Variants in CMTM4 observed in about 807,000 individuals in gnomAD.
The protein encoded by CMTM4 is CKLF like MARVEL transmembrane domain containing 4.
CMTM4 carries 8 observed loss-of-function variants against 19.0 expected under a neutral mutation model. The observed-to-expected ratio is 0.42, with a 90% CI of 0.25 to 0.76. The LOEUF (loss-of-function observed/expected upper bound fraction) is 0.76, where lower values mean the gene tolerates loss of function less well. Ranked by LOEUF, CMTM4 falls within the 30% of genes least tolerant of loss-of-function variation. The pLI is 0.27. For missense variants in CMTM4, 228 were observed against 290.2 expected, an observed-to-expected ratio of 0.79 and a Z score of 1.56; for synonymous variants, 106 against 121.1, an observed-to-expected ratio of 0.88 and a Z score of 0.82.
At chr16:66,652,387 T>G (rs2144842987) in intron 1 of CMTM4, among the ~76,000 whole-genome samples, 1 of 152,322 alleles carries the variant, frequency 6.6e-6, no homozygotes, top group East Asian at 1.9e-4. Flanking sequence ...GGGTTGTTGA[T>G]GCCCCAGAAA....
chr16:66,686,101 A>G (rs1346042847), intron 1 of CMTM4, among the ~76,000 whole-genome samples: 4 of 151,984 alleles, frequency 2.6e-5, no homozygotes, highest in Non-Finnish European at 5.9e-5. Context: ...AAAAATACAA[A>G]AGTTAGCTGG....
At chr16:66,649,655 C>G (rs1444750507) in intron 1 of CMTM4, among the ~76,000 whole-genome samples, 1 of 152,174 alleles carries the variant, frequency 6.6e-6, no homozygotes, top group African/African-American at 2.4e-5. Flanking sequence ...CCTCCCCACT[C>G]CCTAAGCCTG....
At chr16:66,604,719 C>T in the CMTM4 span, 5 of 1,064,846 alleles carry the variant, frequency 4.7e-6, no homozygotes, top group East Asian at 3.6e-5. Context: ...CGCCTGCCCT[C>T]CTTCCGCACA....
the CMTM4 span, chr16:66,608,305 G>A: frequency 1.4e-5 from 23 of 1,613,832 alleles, no homozygotes; most frequent in East Asian, 6.7e-5. This position sits in a 1 kb window ranked among gnomAD's most constrained non-coding sequence, Gnocchi z 5.1. Context: ...CTCCTTCCCC[G>A]CAGGGTCTCT....
rs1369529162 is a variant in CMTM4, at chr16:66,620,760, A to G, written c.*1298T>C. The G allele has an allele frequency of 1.0e-6, 1 of 985,724 alleles. No homozygotes were observed. 61.1% of individuals were successfully genotyped at this position (985,724 alleles called of 1,614,324 possible). On this transcript the variant is annotated 3_prime_UTR_variant, in exon 4 of 4. Transcript: ENST00000394106. Reference sequence around the variant, plus strand: ...TAAAGTGAGGTTTGTAAACATTAAAAACAGTTCAAAGAGGGAAAACCTGAC... The same window carrying G: ...TAAAGTGAGGTTTGTAAACATTAAAGACAGTTCAAAGAGGGAAAACCTGAC...
chr16:66,679,206 G>A (rs751953871), intron 1 of CMTM4, among the ~76,000 whole-genome samples: 1 of 151,964 alleles, frequency 6.6e-6, no homozygotes, highest in Non-Finnish European at 1.5e-5. Context: ...AAAATTCTAG[G>A]TCAATAATTC....
intron 1 of CMTM4, among the ~76,000 whole-genome samples, chr16:66,665,628 C>T (rs1362007442): frequency 6.6e-6 from 1 of 152,090 alleles, no homozygotes; most frequent in Non-Finnish European, 1.5e-5. Context: ...CCTGTAGTCC[C>T]AGCTACTCGG....
chr16:66,601,291 C>T, the CMTM4 span, among the ~76,000 whole-genome samples: 1 of 152,118 alleles, frequency 6.6e-6, no homozygotes, highest in Non-Finnish European at 1.5e-5. Flanking sequence ...AACAAGTCAA[C>T]AAGGAGGTTT....
chr16:66,604,509 C>T, the CMTM4 span: 1 of 252,140 alleles, frequency 4.0e-6, no homozygotes, highest in Non-Finnish European at 7.5e-6. Flanking sequence ...GGTGCCGGGG[C>T]GGTGATCGGG....
chr16:66,636,900 T>C (rs1210132757), intron 1 of CMTM4, among the ~76,000 whole-genome samples: 1 of 152,200 alleles, frequency 6.6e-6, no homozygotes, highest in East Asian at 1.9e-4. Context: ...ATCTCTACAA[T>C]GTTTCTAGGT....
chr16:66,683,172 T>C lies in CMTM4; in HGVS notation c.186+13168A>G, dbSNP rs1026049457. ...GTATATATATATACGTATATATATA[T>C]ATACATATGTATATATATATACATA... On this transcript the variant is annotated intron_variant, in intron 1 of 3. Transcript: ENST00000394106. Among the ~76,000 whole-genome samples, 461 of 83,242 alleles carry C rather than the reference T, an allele frequency of 5.5e-3. 5 individuals carry two copies. The highest frequency in any genetic ancestry group is 7.5e-3 in the Middle Eastern group (1 of 134). 54.6% of individuals were successfully genotyped at this position (83,242 alleles called of 152,430 possible).
chr16:66,618,105 G>GGAA lies in CMTM4; in HGVS notation c.*3950_*3952dup. 1.0e-6 allele frequency: 1 copy of GGAA among 985,294 alleles called. No individual in the cohort carries two copies. The highest frequency in any genetic ancestry group is 1.2e-6 in the Non-Finnish European group (1 of 829,950). 61.0% of individuals were successfully genotyped at this position (985,294 alleles called of 1,614,324 possible). On this transcript the variant is annotated 3_prime_UTR_variant, in exon 4 of 4. Transcript: ENST00000394106. ...GGTGCTGATAAAATAAGACAAACCT[G>GGAA]GAAAAAACCCTGGATTCTGCAACTT...
At chr16:66,661,505 A>G (rs919935565) in intron 1 of CMTM4, among the ~76,000 whole-genome samples, 4 of 152,230 alleles carry the variant, frequency 2.6e-5, no homozygotes, top group Admixed American at 6.5e-5. Flanking sequence ...CTGTTTTCAT[A>G]TTCACAGGCA....
In CMTM4 at chr16:66,617,001, C is replaced by A; in HGVS notation, c.*5057G>T. 1 of 273,006 alleles carries A rather than the reference C, an allele frequency of 3.7e-6. No homozygotes were observed. Among genetic ancestry groups the A allele is most frequent in the South Asian group, 9.6e-5 (1 of 10,454 alleles). The allele number at this position is 273,006 out of a possible 1,614,324, so 16.9% of individuals were successfully genotyped here. On this transcript the variant is annotated 3_prime_UTR_variant, in exon 4 of 4. Coordinates refer to ENST00000394106, the MANE Select transcript of CMTM4 (RefSeq NM_181521.3). Reference sequence around the variant, plus strand: ...GGCAGTTATGAAAAGAAACTCTGACCTGGCCCTAAATCCCATCAGCAAAGC... The same window carrying A: ...GGCAGTTATGAAAAGAAACTCTGACATGGCCCTAAATCCCATCAGCAAAGC...
intron 1 of CMTM4, among the ~76,000 whole-genome samples, chr16:66,686,671 G>A (rs1038032764): frequency 1.9e-4 from 29 of 152,020 alleles, no homozygotes; most frequent in Admixed American, 1.9e-3. Flanking sequence ...GTACTTGTGG[G>A]TAAGCATACT....
intron 1 of CMTM4, among the ~76,000 whole-genome samples, chr16:66,666,517 C>T (rs1011131312): frequency 6.6e-6 from 1 of 152,116 alleles, no homozygotes. Context: ...TTGCAACTCA[C>T]GTATCTGACA....
At chr16:66,678,404 C>T (rs998207806) in intron 1 of CMTM4, among the ~76,000 whole-genome samples, 1 of 152,144 alleles carries the variant, frequency 6.6e-6, no homozygotes, top group Admixed American at 6.5e-5. Flanking sequence ...GCCACATAGT[C>T]CCCATTTCAA....
rs2017238644 is a variant in CMTM4, at chr16:66,696,439, G to A, written c.87C>T (p.Pro29=). ...GGCGCTGGCTCACCGGCTCGGTGGT[G>A]GGCTGGTACGGGCTGCTGGCGCCCG... is the stretch of plus-strand genomic sequence containing the variant. ...MISGASSPYQ[P]TTEPVSQRRG... The change falls in exon 1 of 4, where the codon CCC becomes CCT. Residue 29 remains proline (P), a synonymous_variant. Transcript: ENST00000394106. This position sits in a 1 kb window ranked among gnomAD's most constrained non-coding sequence, Gnocchi z 4.3. The A allele has an allele frequency of 1.5e-6, 2 of 1,358,238 alleles. No individual in the cohort carries two copies. Among genetic ancestry groups the A allele is most frequent in the Non-Finnish European group, 1.9e-6 (2 of 1,055,038 alleles). 84.1% of individuals were successfully genotyped at this position (1,358,238 alleles called of 1,614,324 possible).
At position 66,623,473 on chromosome 16, in the gene CMTM4, G is replaced by A; in HGVS notation, c.393C>T (p.Phe131=). The A allele has an allele frequency of 1.2e-6, 2 of 1,613,926 alleles. No individual in the cohort carries two copies. Among genetic ancestry groups the A allele is most frequent in the Non-Finnish European group, 1.7e-6 (2 of 1,179,892 alleles). ...TDLVNTGLSA[F]LFFIASIVLA... ...GTACGATTGAAGCAATAAAGAAAAGGAAAGCGCTGAGTCCAGTGTTGACCA... is the reference window on the plus strand; with the variant it reads ...GTACGATTGAAGCAATAAAGAAAAGAAAAGCGCTGAGTCCAGTGTTGACCA... Residue 131 remains phenylalanine, a synonymous_variant, in exon 3 of 4, where the codon TTC becomes TTT. Coordinates refer to ENST00000394106, the MANE Select transcript of CMTM4 (RefSeq NM_181521.3).
Sources: gnomAD v4.1 joint callset for allele counts (sites outside exome capture counted in the v4.1 genomes callset) on GRCh38, gnomAD v4.1.1 for gene constraint, Gnocchi (gnomAD v3.1) non-coding constraint, MANE v1.5 for transcripts, NCBI Gene and HGNC (gene_info 2026-07-23, HGNC 2026-07-21) for gene names.